ZNF451: variants seen among roughly 807,000 people sequenced by gnomAD.
The protein encoded by ZNF451 is zinc finger protein 451, also known as E3 SUMO-protein ligase ZNF451.
Under a neutral mutation model 107.1 loss-of-function variants are expected in ZNF451, and 80 were observed. That is an observed-to-expected ratio of 0.75 (90% confidence interval 0.62 to 0.90). ZNF451 has a LOEUF of 0.90. Among genes scored for constraint, ZNF451 ranks in the 40% least tolerant of loss-of-function variants. ZNF451 has a pLI of 0.00. For missense variants in ZNF451, 1,107 were observed against 1,236.2 expected, an observed-to-expected ratio of 0.90 and a Z score of 1.57; for synonymous variants, 362 against 406.5, an observed-to-expected ratio of 0.89 and a Z score of 1.32.
chr6:57,099,502 A>G, intron 3 of ZNF451: 1 of 717,002 alleles, frequency 1.4e-6, no homozygotes, highest in South Asian at 1.5e-5. Flanking sequence ...TTGTTCCAGA[A>G]CCACATGACC....
At chr6:57,159,348 G>C in intron 13 of ZNF451, 1 of 985,342 alleles carries the variant, frequency 1.0e-6, no homozygotes, top group Non-Finnish European at 1.2e-6. Context: ...ATAACATGCT[G>C]CTTTTGACTG....
chr6:57,103,398 T>G, intron 3 of ZNF451: 1 of 985,406 alleles, frequency 1.0e-6, no homozygotes, highest in Non-Finnish European at 1.2e-6. Context: ...AGATTCTTAG[T>G]GTAAGAGACA....
chr6:57,096,716 A>T (rs1362831548), intron 2 of ZNF451, among the ~76,000 whole-genome samples: 1 of 151,248 alleles, frequency 6.6e-6, no homozygotes, highest in Non-Finnish European at 1.5e-5. Flanking sequence ...TATCAATGGG[A>T]AAAGCTATCA....
At chr6:57,116,993 G>T (rs1194477959) in intron 3 of ZNF451, 1 of 151,950 alleles carries the variant, frequency 6.6e-6, no homozygotes, top group Non-Finnish European at 1.5e-5. Context: ...TAAGCCCAAA[G>T]TCAATTCTAA....
intron 3 of ZNF451, chr6:57,105,333 TTTC>T: frequency 3.0e-6 from 3 of 983,908 alleles, no homozygotes; most frequent in Non-Finnish European, 3.6e-6. Context: ...GACAATATGG[TTTC>T]TTGTAGTTAC....
chr6:57,148,714 G>T (rs1202693645), intron 10 of ZNF451, 21 bp downstream of exon 10: 1 of 1,550,504 alleles, frequency 6.4e-7, no homozygotes, highest in Non-Finnish European at 8.7e-7. Flanking sequence ...ATAGCTCTAT[G>T]CAAATTTCAT....
chr6:57,161,300 A>G lies in ZNF451; in HGVS notation c.3139+148A>G, dbSNP rs1158205392. ...CAGTTTGGATAGCTTTGCATTTTTCATGTAAGATGACTTAGGGGTAATACT... is the reference window on the plus strand; with the variant it reads ...CAGTTTGGATAGCTTTGCATTTTTCGTGTAAGATGACTTAGGGGTAATACT... On this transcript the variant is annotated intron_variant, in intron 14 of 14. Coordinates refer to ENST00000370706, the MANE Select transcript of ZNF451 (RefSeq NM_001031623.3). The G allele has an allele frequency of 8.3e-6, 4 of 484,430 alleles. No homozygotes were observed. The South Asian group carries it at 1.7e-4, about 21-fold the overall frequency. The allele number at this position is 484,430 out of a possible 1,614,324, so 30.0% of individuals were successfully genotyped here.
At chr6:57,135,438 T>C (rs1714664230) in intron 7 of ZNF451, among the ~76,000 whole-genome samples, 1 of 152,130 alleles carries the variant, frequency 6.6e-6, no homozygotes, top group Non-Finnish European at 1.5e-5. Context: ...GTAATGTATG[T>C]TCATTATGAA....
chr6:57,102,075 A>G (rs745442167), intron 3 of ZNF451: 13 of 1,521,004 alleles, frequency 8.5e-6, no homozygotes, highest in Admixed American at 4.6e-5. Context: ...ACTCTCCAGA[A>G]CGCCATGGGT....
intron 3 of ZNF451, chr6:57,105,885 T>C (rs1349417892): frequency 1.0e-6 from 1 of 984,484 alleles, no homozygotes; most frequent in Non-Finnish European, 1.2e-6. Context: ...ATAATTACAT[T>C]TAAACTTTTT....
chr6:57,096,767 C>CTTTTTTTTTT (rs772840052), intron 2 of ZNF451, among the ~76,000 whole-genome samples: 1 of 79,932 alleles, frequency 1.3e-5, no homozygotes, highest in African/African-American at 5.0e-5. Flanking sequence ...AATTTTCAGT[C>CTTTTTTTTTT]TTTTTTTTTT....
chr6:57,132,919 T>A (rs1296583121), intron 5 of ZNF451, 123 bp from the exon 6 acceptor site: 2 of 950,604 alleles, frequency 2.1e-6, no homozygotes. Flanking sequence ...TAAACAATTA[T>A]AATTAGCATC....
chr6:57,161,617 A>G (rs1763677256), intron 14 of ZNF451, among the ~76,000 whole-genome samples: 1 of 152,182 alleles, frequency 6.6e-6, no homozygotes, highest in Non-Finnish European at 1.5e-5. Context: ...AAAGACAGGC[A>G]GTAGAACTCT....
intron 3 of ZNF451, among the ~76,000 whole-genome samples, chr6:57,122,056 AC>A (rs1830664785): frequency 6.6e-6 from 1 of 152,160 alleles, no homozygotes; most frequent in African/African-American, 2.4e-5. Context: ...AAGTTAGGGA[AC>A]CCAGGAATAA....
intron 13 of ZNF451, among the ~76,000 whole-genome samples, chr6:57,155,601 C>G (rs1377798342): frequency 6.6e-6 from 1 of 152,196 alleles, no homozygotes; most frequent in African/African-American, 2.4e-5. Context: ...GGCCAACCTC[C>G]CTTTCCTTCT....
intron 3 of ZNF451, chr6:57,101,335 G>T (rs1322381985): frequency 6.4e-7 from 1 of 1,550,574 alleles, no homozygotes; most frequent in Admixed American, 2.0e-5. Context: ...TCTGAGAATT[G>T]CCACCACTGA....
intron 4 of ZNF451, among the ~76,000 whole-genome samples, chr6:57,126,153 C>T (rs1830918720): frequency 6.6e-6 from 1 of 152,056 alleles, no homozygotes; most frequent in African/African-American, 2.4e-5. Context: ...GTTTCAGCCT[C>T]CACCCATGTA....
At chr6:57,105,403 C>A in intron 3 of ZNF451, 3 of 985,188 alleles carry the variant, frequency 3.0e-6, no homozygotes, top group Non-Finnish European at 3.6e-6. Flanking sequence ...TAATTCTACA[C>A]TTTTCTTTAA....
intron 7 of ZNF451, among the ~76,000 whole-genome samples, chr6:57,137,480 A>T (rs1194029489): frequency 6.6e-6 from 1 of 152,156 alleles, no homozygotes; most frequent in Non-Finnish European, 1.5e-5. Flanking sequence ...CCTTAGATTC[A>T]TATTTCTAAC....
Sources: allele counts gnomAD v4.1 joint callset (sites outside exome capture counted in the v4.1 genomes callset), GRCh38; gene constraint gnomAD v4.1.1; transcripts MANE v1.5; gene names NCBI Gene and HGNC (gene_info 2026-07-23, HGNC 2026-07-21).